STK4: variants seen among roughly 807,000 people sequenced by gnomAD.
The protein encoded by STK4 is serine/threonine-protein kinase 4.
Under a neutral mutation model 64.9 loss-of-function variants are expected in STK4, and 30 were observed. The observed-to-expected ratio is 0.46, with a 90% CI of 0.35 to 0.63. The LOEUF (loss-of-function observed/expected upper bound fraction) is 0.63. STK4 is among the 20% of genes least tolerant of loss of function. STK4 has a pLI of 0.01. For synonymous variants in STK4, 177 were observed against 199.0 expected (o/e 0.89, Z 0.93); for missense variants, 466 against 598.5 (o/e 0.78, Z 2.31).
intron 9 of STK4, among the ~76,000 whole-genome samples, 177 bp downstream of exon 9, chr20:45,001,530 G>A (rs1295800221): frequency 6.6e-6 from 1 of 152,180 alleles, no homozygotes; most frequent in Non-Finnish European, 1.5e-5. Flanking sequence ...GGGAAAGCTG[G>A]CCTGTGGAGT....
intron 9 of STK4, among the ~76,000 whole-genome samples, chr20:45,013,548 T>C (rs1251559055): frequency 1.3e-5 from 2 of 152,192 alleles, no homozygotes; most frequent in African/African-American, 4.8e-5. Context: ...AGCAAATGTA[T>C]GATTTTTAAA....
chr20:45,037,729 C>A (rs539597777), intron 10 of STK4, among the ~76,000 whole-genome samples: 3 of 152,186 alleles, frequency 2.0e-5, no homozygotes, highest in Non-Finnish European at 4.4e-5. Flanking sequence ...GGCTCCAAAT[C>A]TGATTGTAAG....
At chr20:45,072,064 G>T (rs1376192010) in intron 10 of STK4, among the ~76,000 whole-genome samples, 1 of 152,142 alleles carries the variant, frequency 6.6e-6, no homozygotes, top group African/African-American at 2.4e-5. Context: ...TGCCCAGCGT[G>T]AATACCTTCT....
At chr20:45,008,308 G>T (rs1483316090) in intron 9 of STK4, among the ~76,000 whole-genome samples, 1 of 152,176 alleles carries the variant, frequency 6.6e-6, no homozygotes, top group African/African-American at 2.4e-5. Flanking sequence ...ACCCGCCATG[G>T]CCTCCCAAAG....
At chr20:45,050,970 G>A (rs1568755989) in intron 10 of STK4, among the ~76,000 whole-genome samples, 1 of 151,548 alleles carries the variant, frequency 6.6e-6, no homozygotes, top group Non-Finnish European at 1.5e-5. Context: ...AACAACCAAG[G>A]GTTTAAAAAA....
intron 9 of STK4, among the ~76,000 whole-genome samples, chr20:45,011,970 C>G (rs1358285080): frequency 6.6e-6 from 1 of 151,368 alleles, no homozygotes; most frequent in Non-Finnish European, 1.5e-5. Flanking sequence ...CAATAGATTT[C>G]CCATCCCCTT....
chr20:45,026,625 G>A (rs1230695666), intron 10 of STK4, among the ~76,000 whole-genome samples: 3 of 152,138 alleles, frequency 2.0e-5, no homozygotes, highest in African/African-American at 7.2e-5. Flanking sequence ...AAGGACTTTA[G>A]CTTTTACTCT....
chr20:45,053,065 T>C (rs1978297224), intron 10 of STK4: 1 of 1,564,748 alleles, frequency 6.4e-7, no homozygotes, highest in South Asian at 1.1e-5. Flanking sequence ...TATAATGAGA[T>C]TTTGTGCTCT....
intron 10 of STK4, among the ~76,000 whole-genome samples, chr20:45,035,632 G>T (rs945969652): frequency 1.3e-5 from 2 of 152,154 alleles, no homozygotes; most frequent in Non-Finnish European, 2.9e-5. Context: ...TGTGTGAATA[G>T]ATAAGACTGC....
rs79402857 is a variant in STK4, at chr20:45,013,878, G to A, written c.1148-11095G>A. On this transcript the variant is annotated intron_variant, in intron 9 of 10. Transcript: ENST00000372806. ...GTGGTTGTGGGTTTTGTTAATTTTG[G>A]TATTACTCACATATGTCATCCAAAA... 6.0e-3 allele frequency among the ~76,000 whole-genome samples: 907 copies of A among 151,992 alleles called. 30 individuals are homozygous for A. In the East Asian group the frequency reaches 0.098, roughly 16 times the overall value.
intron 10 of STK4, among the ~76,000 whole-genome samples, chr20:45,047,300 C>T (rs2068711391): frequency 1.3e-5 from 2 of 152,142 alleles, no homozygotes; most frequent in Non-Finnish European, 2.9e-5. Flanking sequence ...GGTGACCTGT[C>T]CCACCCTTGG....
At chr20:44,976,863 C>T (rs935239087) in intron 2 of STK4, among the ~76,000 whole-genome samples, 1 of 152,206 alleles carries the variant, frequency 6.6e-6, no homozygotes, top group Non-Finnish European at 1.5e-5. Context: ...TTTCAAGCAT[C>T]ATCCCTCACA....
chr20:44,997,035 A>G (rs768153538), intron 6 of STK4, 134 bp from the exon 7 acceptor site: 5 of 1,265,756 alleles, frequency 4.0e-6, no homozygotes, highest in Non-Finnish European at 5.5e-6. Context: ...CTTTTGTTGG[A>G]ATTTGGGTGA....
chr20:45,041,482 T>C (rs2068612931), intron 10 of STK4, among the ~76,000 whole-genome samples: 2 of 152,206 alleles, frequency 1.3e-5, no homozygotes, highest in Non-Finnish European at 2.9e-5. Flanking sequence ...CTATGCTTAG[T>C]ATTCTGTTGT....
intron 10 of STK4, among the ~76,000 whole-genome samples, chr20:45,040,808 G>C (rs1374884344): frequency 6.6e-6 from 1 of 152,026 alleles, no homozygotes; most frequent in Non-Finnish European, 1.5e-5. Flanking sequence ...GCTATTTCCA[G>C]TGTAGATTGA....
rs1980479670 is a variant in STK4 at position 45,075,931 on chromosome 20, C to T, written c.*755C>T. 2 of 152,834 alleles carry T rather than the reference C, an allele frequency of 1.3e-5. No homozygotes were observed. The highest frequency in any genetic ancestry group is 4.1e-4 in the South Asian group (2 of 4,832). 9.5% of individuals were successfully genotyped at this position (152,834 alleles called of 1,614,324 possible). On this transcript the variant is annotated 3_prime_UTR_variant, in exon 11 of 11. Coordinates refer to ENST00000372806, the MANE Select transcript of STK4 (RefSeq NM_006282.5). Reference sequence around the variant, plus strand: ...TTTCAATGCCTTTCATCCATCTCCACTCTCTCAACTGCCTAAAGTCACAGC... The same window carrying T: ...TTTCAATGCCTTTCATCCATCTCCATTCTCTCAACTGCCTAAAGTCACAGC...
chr20:44,994,211 T>A (rs2067686572), intron 5 of STK4, among the ~76,000 whole-genome samples: 1 of 151,576 alleles, frequency 6.6e-6, no homozygotes, highest in Non-Finnish European at 1.5e-5. Context: ...ACCTTCAGAA[T>A]GTTACAGATG....
intron 10 of STK4, among the ~76,000 whole-genome samples, chr20:45,040,633 CTT>C (rs11476443): frequency 3.4e-4 from 49 of 142,562 alleles, no homozygotes; most frequent in Non-Finnish European, 4.5e-4. Flanking sequence ...GGAAACAGAC[CTT>C]TTTTTTTTTT....
In STK4 at chr20:45,001,192, C is replaced by T; in HGVS notation, c.986C>T (p.Thr329Met). 11 of 1,613,000 alleles carry T rather than the reference C, an allele frequency of 6.8e-6. No homozygotes were observed. Among genetic ancestry groups the T allele is most frequent in the Middle Eastern group, 1.6e-4 (1 of 6,062 alleles). Residue 329 changes from threonine (T) to methionine (M), a missense_variant, in exon 9 of 11, where the codon ACG (threonine) becomes ATG (methionine). Around this residue, in one of 2 missense-constraint regions of STK4, gnomAD observed 276 missense variants for 308.9 expected, o/e 0.89. Coordinates refer to ENST00000372806, the MANE Select transcript of STK4 (RefSeq NM_006282.5). ...NSEEDEMDSG[T>M]MVRAVGDEMG... Reference sequence around the variant, plus strand: ...GAAGAGGATGAAATGGATTCTGGCACGATGGTTCGAGCAGTGGGTGATGAG... The same window carrying T: ...GAAGAGGATGAAATGGATTCTGGCATGATGGTTCGAGCAGTGGGTGATGAG...
Sources: gnomAD v4.1 joint callset for allele counts (sites outside exome capture counted in the v4.1 genomes callset) on GRCh38, gnomAD v4.1.1 for gene constraint, gnomAD v4.1.1 regional missense constraint, MANE v1.5 for transcripts, NCBI Gene and HGNC (gene_info 2026-07-23, HGNC 2026-07-21) for gene names.